Variants in FOXP2 observed in about 807,000 individuals in gnomAD.
FOXP2 encodes forkhead box P2.
A neutral mutation model predicts 115.8 loss-of-function variants in FOXP2; 12 were observed. The observed-to-expected ratio is 0.10, with a 90% CI of 0.07 to 0.17. The LOEUF (loss-of-function observed/expected upper bound fraction) is 0.17, where lower values mean the gene tolerates loss of function less well. Among genes scored for constraint, FOXP2 ranks in the 10% least tolerant of loss-of-function variants. FOXP2 has a pLI of 1.00. For missense variants in FOXP2, 629 were observed against 843.5 expected (o/e 0.75, Z 3.15); for synonymous variants, 328 against 297.7 (o/e 1.10, Z -1.05).
intron 1 of FOXP2, among the ~76,000 whole-genome samples, chr7:114,245,487 G>T (rs1316280861): frequency 6.6e-6 from 1 of 152,180 alleles, no homozygotes; most frequent in Non-Finnish European, 1.5e-5. Context: ...TTTTGAAGTT[G>T]AGGAAGCTGT....
intron 2 of FOXP2, among the ~76,000 whole-genome samples, chr7:114,361,676 A>T (rs977799223): frequency 2.0e-5 from 3 of 152,110 alleles, no homozygotes; most frequent in Admixed American, 6.6e-5. Flanking sequence ...TTTACCTTTG[A>T]TAACATCTCA....
At chr7:114,089,754 A>T (rs537884544) in intron 1 of FOXP2, among the ~76,000 whole-genome samples, 18 of 152,160 alleles carry the variant, frequency 1.2e-4, no homozygotes, top group African/African-American at 4.1e-4. Flanking sequence ...AAAGGTGAAC[A>T]TTATATGTAC....
At chr7:114,271,757 ATAT>A (rs1426092746) in intron 1 of FOXP2, among the ~76,000 whole-genome samples, 1 of 118,166 alleles carries the variant, frequency 8.5e-6, no homozygotes, top group African/African-American at 3.5e-5. Context: ...CATTAAATAT[ATAT>A]TATTTAATAT....
intron 2 of FOXP2, among the ~76,000 whole-genome samples, chr7:114,507,039 C>A (rs1562965525): frequency 6.6e-6 from 1 of 151,736 alleles, no homozygotes; most frequent in Admixed American, 6.6e-5. Flanking sequence ...ATTTAACAAT[C>A]TTTAATAACC....
At chr7:114,364,906 C>T (rs1791842100) in intron 2 of FOXP2, among the ~76,000 whole-genome samples, 1 of 152,050 alleles carries the variant, frequency 6.6e-6, no homozygotes, top group Non-Finnish European at 1.5e-5. Flanking sequence ...TTAGTATTGT[C>T]TTGATATTTG....
At chr7:114,339,138 G>A (rs1562877471) in intron 2 of FOXP2, among the ~76,000 whole-genome samples, 1 of 151,118 alleles carries the variant, frequency 6.6e-6, no homozygotes, top group Non-Finnish European at 1.5e-5. Flanking sequence ...ATCTACTGTT[G>A]AGGTCTGCAA....
intron 2 of FOXP2, among the ~76,000 whole-genome samples, chr7:114,402,788 G>A (rs969204355): frequency 1.3e-5 from 2 of 151,748 alleles, no homozygotes; most frequent in Admixed American, 6.6e-5. Context: ...CACCACACCC[G>A]GATATTGATT....
intron 2 of FOXP2, among the ~76,000 whole-genome samples, chr7:114,491,332 C>T (rs1376469340): frequency 2.0e-5 from 3 of 152,104 alleles, no homozygotes; most frequent in African/African-American, 7.2e-5. Context: ...TCATGTCCTT[C>T]ACCCACTTTT....
chr7:114,322,359 T>C (rs181858465), intron 2 of FOXP2, among the ~76,000 whole-genome samples: 1 of 151,426 alleles, frequency 6.6e-6, no homozygotes. Context: ...TTTTAAAAAT[T>C]TTACATTTAA....
chr7:114,516,307 G>A (rs1798339508), intron 2 of FOXP2, among the ~76,000 whole-genome samples: 1 of 152,050 alleles, frequency 6.6e-6, no homozygotes, highest in African/African-American at 2.4e-5. Context: ...CAAGCAATGG[G>A]GAAAGGATTT....
Position 114,474,610 on chromosome 7 carries a change from G to A in FOXP2, c.168+47931G>A, listed in dbSNP as rs546751457. Among the ~76,000 whole-genome samples the A allele has an allele frequency of 1.4e-4, 21 of 152,202 alleles. No homozygotes were observed. The East Asian group carries it at 4.0e-3, about 29-fold the overall frequency. ...TATCCTAGAAAATAGCAGATGATCA[G>A]TAACAAAACATAAGATTTAGTGGTG... On this transcript the variant is annotated intron_variant, in intron 2 of 16. Coordinates refer to ENST00000350908, the MANE Select transcript of FOXP2 (RefSeq NM_014491.4).
At chr7:114,161,496 T>C (rs1401716833), upstream of FOXP2, among the ~76,000 whole-genome samples, 2 of 151,438 alleles carry the variant, frequency 1.3e-5, no homozygotes, top group Non-Finnish European at 2.9e-5. Context: ...TATTCTGATA[T>C]AGATGTTTTT....
intron 13 of FOXP2, 121 bp from the exon 14 acceptor site, chr7:114,661,944 A>G: frequency 5.5e-6 from 7 of 1,263,002 alleles, no homozygotes; most frequent in Non-Finnish European, 7.8e-6. Flanking sequence ...TTTTGATTTT[A>G]ATACTTAAAC....
intron 1 of FOXP2, among the ~76,000 whole-genome samples, chr7:114,203,534 G>A (rs753903545): frequency 4.6e-5 from 7 of 151,912 alleles, no homozygotes; most frequent in Non-Finnish European, 7.4e-5. Context: ...TGTAGACACA[G>A]GGCTTTGCCA....
chr7:114,349,758 T>C (rs1448819708), intron 2 of FOXP2, among the ~76,000 whole-genome samples: 1 of 152,018 alleles, frequency 6.6e-6, no homozygotes, highest in Non-Finnish European at 1.5e-5. Context: ...ATAGAAGAAA[T>C]AATAATTTAT....
intron 1 of FOXP2, among the ~76,000 whole-genome samples, chr7:114,137,444 T>G (rs757661763): frequency 2.0e-5 from 3 of 152,116 alleles, no homozygotes; most frequent in Non-Finnish European, 4.4e-5. Context: ...TTTAGATGAG[T>G]AGAGAGACAT....
rs567806250 is a variant in FOXP2, at chr7:114,129,345, G to A, written c.-246-33599G>A. On this transcript the variant is annotated intron_variant, in intron 1 of 19. Coordinates refer to the FOXP2 transcript ENST00000635638. The stretch of plus-strand genomic sequence containing the variant: ...TTGTCTTGCCATTTGTTGAGACCTG[G>A]AAACACAATTTGTATCAACTTGTTT... 3.3e-5 allele frequency among the ~76,000 whole-genome samples: 5 copies of A among 152,142 alleles called. No individual in the cohort carries two copies. The East Asian group carries it at 9.7e-4, about 29-fold the overall frequency.
chr7:114,417,898 C>T (rs1183295980), intron 1 of FOXP2, among the ~76,000 whole-genome samples: 1 of 151,800 alleles, frequency 6.6e-6, no homozygotes, highest in African/African-American at 2.4e-5. Context: ...AAGAAATACA[C>T]GAACTGATAT....
chr7:114,131,151 T>G lies in FOXP2; in HGVS notation c.-246-31793T>G, dbSNP rs149780603. ...CGTGTGAAAGTATTTGTTTACCAGA[T>G]CATATGCTGTTAACTGTCAGGCTGA... On this transcript the variant is annotated intron_variant, in intron 1 of 19. Transcript: ENST00000635638. Among the ~76,000 whole-genome samples the G allele has an allele frequency of 1.2e-3, 183 of 152,308 alleles. 2 individuals are homozygous for G. The highest frequency in any genetic ancestry group is 4.4e-3 in the African/African-American group (181 of 41,568).
Sources: gnomAD v4.1 joint callset for allele counts (sites outside exome capture counted in the v4.1 genomes callset) on GRCh38, gnomAD v4.1.1 for gene constraint, MANE v1.5 for transcripts, NCBI Gene and HGNC (gene_info 2026-07-23, HGNC 2026-07-21) for gene names.